STARD3: variants seen among roughly 807,000 people sequenced by gnomAD.
The protein encoded by STARD3 is StAR related lipid transfer domain containing 3.
Under a neutral mutation model 62.0 loss-of-function variants are expected in STARD3, and 39 were observed. The ratio of observed to expected loss-of-function variants is 0.63; its 90% CI spans 0.49 to 0.82. STARD3 has a LOEUF of 0.82. Ranked by LOEUF, STARD3 falls within the 40% of genes least tolerant of loss-of-function variation. The pLI, the probability that STARD3 is intolerant of heterozygous loss-of-function variation, is 0.00. For missense variants in STARD3, 543 were observed against 584.5 expected (o/e 0.93, Z 0.73); for synonymous variants, 229 against 242.4 (o/e 0.94, Z 0.51).
intron 1 of STARD3, among the ~76,000 whole-genome samples, chr17:39,642,144 C>T (rs1469188582): frequency 6.6e-6 from 1 of 152,230 alleles, no homozygotes; most frequent in Admixed American, 6.5e-5. Flanking sequence ...GTCCTGGGAG[C>T]AGCCAATGAT....
rs1295954704 is a variant in STARD3 at position 39,663,906 on chromosome 17, C to T, written c.*998C>T. Among the ~76,000 whole-genome samples the T allele has an allele frequency of 7.2e-5, 11 of 152,086 alleles. No individual in the cohort carries two copies. Among genetic ancestry groups the T allele is most frequent in the Admixed American group, 7.2e-4 (11 of 15,276 alleles). On this transcript the variant is annotated 3_prime_UTR_variant, in exon 15 of 15. Coordinates refer to ENST00000336308, the MANE Select transcript of STARD3 (RefSeq NM_006804.4). Reference sequence around the variant, plus strand: ...CCGGACCTCCCAGACTCCACTCACCCATTCCCTCTCCCCGCACGGCACTCA... The same window carrying T: ...CCGGACCTCCCAGACTCCACTCACCTATTCCCTCTCCCCGCACGGCACTCA...
At chr17:39,659,635 A>G (rs189114286) in intron 9 of STARD3, 82 bp downstream of exon 9, 15,547 of 1,457,702 alleles carry the variant, frequency 0.011, 112 homozygotes, top group Middle Eastern at 0.013. Context: ...GAAGAAACCC[A>G]AAGATTACAT....
rs2057035176 is a variant in STARD3, at chr17:39,647,234, C to G, written c.-51-6247C>G. On this transcript the variant is annotated intron_variant, in intron 1 of 14. Coordinates refer to ENST00000336308, the MANE Select transcript of STARD3 (RefSeq NM_006804.4). ...AAAAAAAAAAACCCTCCACTTTCCC[C>G]CCTACCTCCCACTCTCACTCCCTCC... 2.0e-5 allele frequency among the ~76,000 whole-genome samples: 3 copies of G among 151,946 alleles called. No homozygotes were observed. In the South Asian group the frequency reaches 6.2e-4, roughly 32 times the overall value.
intron 1 of STARD3, among the ~76,000 whole-genome samples, chr17:39,649,912 A>T (rs1253357030): frequency 1.3e-5 from 2 of 151,410 alleles, no homozygotes; most frequent in Non-Finnish European, 2.9e-5. Flanking sequence ...ATATTCCTTT[A>T]TACAAAAGAA....
intron 1 of STARD3, among the ~76,000 whole-genome samples, chr17:39,649,736 C>T (rs1237948278): frequency 5.9e-5 from 9 of 151,930 alleles, no homozygotes; most frequent in African/African-American, 9.7e-5. Context: ...CATGGTGGCA[C>T]GTGCCTGTAA....
In STARD3 at chr17:39,653,627, C is replaced by T. The variant is rs1257276041; in HGVS notation, c.96C>T (p.Leu32=). The T allele has an allele frequency of 6.2e-7, 1 of 1,613,740 alleles. No individual in the cohort carries two copies. Among genetic ancestry groups the T allele is most frequent in the East Asian group, 2.2e-5 (1 of 44,886 alleles). The change falls in exon 2 of 15, where the codon CTC becomes CTT. Residue 32 remains leucine, a synonymous_variant. Coordinates refer to ENST00000336308, the MANE Select transcript of STARD3 (RefSeq NM_006804.4). ...LGSSLSHSQS[L]SSHLLPPPEK... is the part of the protein sequence containing the mutation. ...CCTCACTGTCCCACAGCCAGAGCCT[C>T]TCCTCGCACCTCCTTCCGCCGCCTG...
Position 39,657,867 on chromosome 17 carries a change from T to C in STARD3, c.375+15T>C, listed in dbSNP as rs1294529452. ...GGGTGATTGCGGTAAGATGCCACTTTCCTGGCAGCTTCTGGGCCCTGGCAG... is the reference window on the plus strand; with the variant it reads ...GGGTGATTGCGGTAAGATGCCACTTCCCTGGCAGCTTCTGGGCCCTGGCAG... On this transcript the variant is annotated intron_variant, in intron 4 of 14. Transcript: ENST00000336308. The C allele has an allele frequency of 6.2e-7, 1 of 1,614,074 alleles. No homozygotes were observed. The highest frequency in any genetic ancestry group is 1.3e-5 in the African/African-American group (1 of 74,942).
Position 39,660,873 on chromosome 17 carries a change from G to T in STARD3, c.1018G>T (p.Gly340Cys), listed in dbSNP as rs759409887. 2.5e-6 allele frequency: 4 copies of T among 1,600,682 alleles called. No homozygotes were observed. Among genetic ancestry groups the T allele is most frequent in the South Asian group, 1.1e-5 (1 of 89,762 alleles). ...SYDVSAGAAGGVVSPRDFVNV... is the reference protein window; with the variant it reads ...SYDVSAGAAGCVVSPRDFVNV... ...TGACGTGTCTGCAGGGGCTGCGGGC[G>T]GCGTGGTCTCCCCAAGGTGAGTCCA... The change falls in exon 12 of 15, where the codon GGC becomes TGC. Residue 340 changes from glycine to cysteine, a missense_variant. Transcript: ENST00000336308. This position sits in a 1 kb window ranked among gnomAD's most constrained non-coding sequence, Gnocchi z 4.8.
chr17:39,661,345 C>G (rs111753175), intron 13 of STARD3: 1 of 525,026 alleles, frequency 1.9e-6, no homozygotes, highest in African/African-American at 1.9e-5. Context: ...CTGGGGTAGA[C>G]CATGGATGGG....
At chr17:39,658,602 T>G in intron 6 of STARD3, 80 bp downstream of exon 6, 1 of 1,566,308 alleles carries the variant, frequency 6.4e-7, no homozygotes. Flanking sequence ...TGAGAGTCAG[T>G]CTGAAGCATC....
chr17:39,660,864 G>T lies in STARD3; in HGVS notation c.1009G>T (p.Ala337Ser), dbSNP rs749454211. Residue 337 changes from alanine (A) to serine (S), a missense_variant, in exon 12 of 15, where the codon GCT (alanine) becomes TCT (serine). Ala to Ser is a moderately conservative substitution (Grantham distance 99, BLOSUM62 1). Transcript: ENST00000336308. The surrounding 1 kb of genome is among the most constrained non-coding windows in gnomAD (Gnocchi z 4.8). The part of the protein sequence containing the change: ...TLISYDVSAG[A>S]AGGVVSPRDF... ...CATCTCCTATGACGTGTCTGCAGGG[G>T]CTGCGGGCGGCGTGGTCTCCCCAAG... 1 of 1,599,984 alleles carries T rather than the reference G, an allele frequency of 6.3e-7. No individual in the cohort carries two copies. The highest frequency in any genetic ancestry group is 1.7e-5 in the Admixed American group (1 of 59,030).
chr17:39,660,851 CG>C lies in STARD3; in HGVS notation c.997del (p.Val333CysfsTer16). On this transcript the variant is annotated frameshift_variant, in exon 12 of 15. Transcript: ENST00000336308. LOFTEE classifies it high-confidence loss of function. The surrounding 1 kb of genome is among the most constrained non-coding windows in gnomAD (Gnocchi z 4.8). ...AAGACAACACCCTCATCTCCTATGA[CG>C]TGTCTGCAGGGGCTGCGGGCGGCGT... Reference protein sequence around the residue: ...VEDNTLISYDVSAGAAGGVVS... With the variant: ...VEDNTLISYDXSAGAAGGVVS... 6.3e-7 allele frequency: 1 copy of C among 1,599,746 alleles called. No individual in the cohort carries two copies. The highest frequency in any genetic ancestry group is 8.5e-7 in the Non-Finnish European group (1 of 1,171,336).
chr17:39,655,967 G>C (rs1004628948), intron 2 of STARD3, among the ~76,000 whole-genome samples: 1 of 143,444 alleles, frequency 7.0e-6, no homozygotes, highest in Non-Finnish European at 1.5e-5. Context: ...GCCCAGGGCA[G>C]AGTCTGAGGA....
At chr17:39,658,171 G>A in intron 5 of STARD3, 145 bp downstream of exon 5, 1 of 1,004,384 alleles carries the variant, frequency 1.0e-6, no homozygotes, top group Non-Finnish European at 1.5e-6. Context: ...GTATCTATAA[G>A]GAATCATCCT....
intron 13 of STARD3, 115 bp from the exon 14 acceptor site, chr17:39,662,136 G>A: frequency 1.1e-6 from 1 of 916,752 alleles, no homozygotes; most frequent in Non-Finnish European, 1.7e-6. Flanking sequence ...CTGCCTTTCT[G>A]CTTCCAGCCC....
In STARD3 at chr17:39,658,821, G is replaced by T. The variant is rs1203680404; in HGVS notation, c.646+1G>T. The T allele has an allele frequency of 6.2e-7, 1 of 1,613,722 alleles. No homozygotes were observed. The highest frequency in any genetic ancestry group is 8.5e-7 in the Non-Finnish European group (1 of 1,179,916). On this transcript the variant is annotated splice_donor_variant, in intron 7 of 14. Transcript: ENST00000336308. LOFTEE classifies it high-confidence loss of function. ...TATTCACCCCCAGAATCCTTTGCAG[G>T]TGAGGGCTGGTGTGTGGGGGAACTG...
At position 39,649,890 on chromosome 17, in the gene STARD3, T is replaced by C. The variant is rs1457327012; in HGVS notation, c.-51-3591T>C. Among the ~76,000 whole-genome samples, 3 of 135,274 alleles carry C rather than the reference T, an allele frequency of 2.2e-5. No homozygotes were observed. In the East Asian group the frequency reaches 6.4e-4, roughly 29 times the overall value. The allele number at this position is 135,274 out of a possible 152,430, so 88.7% of individuals were successfully genotyped here. A position where few individuals can be genotyped will look rare whatever the true frequency, so the allele number is the denominator to read the frequency against. On this transcript the variant is annotated intron_variant, in intron 1 of 14. Coordinates refer to ENST00000336308, the MANE Select transcript of STARD3 (RefSeq NM_006804.4). The stretch of plus-strand genomic sequence containing the variant: ...CAAAAAAAAAAAAAAAAAAAAGATA[T>C]ACAAAGAAAGCATATTCCTTTATAC...
chr17:39,651,446 C>T (rs1308692650), intron 1 of STARD3, among the ~76,000 whole-genome samples: 5 of 152,192 alleles, frequency 3.3e-5, no homozygotes, highest in African/African-American at 7.2e-5. Flanking sequence ...TTCCTCTAGA[C>T]CCCAAACTAC....
chr17:39,644,757 G>C (rs1238420004), intron 1 of STARD3, among the ~76,000 whole-genome samples: 1 of 151,902 alleles, frequency 6.6e-6, no homozygotes, highest in African/African-American at 2.4e-5. Context: ...CTACTCAGGA[G>C]GCTGAGGCAG....
Sources: gnomAD v4.1 joint callset for allele counts (sites outside exome capture counted in the v4.1 genomes callset) on GRCh38, gnomAD v4.1.1 for gene constraint, Gnocchi (gnomAD v3.1) non-coding constraint, MANE v1.5 for transcripts, NCBI Gene and HGNC (gene_info 2026-07-23, HGNC 2026-07-21) for gene names.